Variants in IKZF4 observed in about 807,000 individuals in gnomAD.
IKZF4 encodes the protein IKAROS family zinc finger 4, also known as zinc finger protein Eos.
A neutral mutation model predicts 47.7 loss-of-function variants in IKZF4; 11 were observed. The observed-to-expected ratio is 0.23, with a 90% CI of 0.15 to 0.38. The LOEUF (loss-of-function observed/expected upper bound fraction) is 0.38. Among genes scored for constraint, IKZF4 ranks in the 10% least tolerant of loss-of-function variants. The pLI, the probability that IKZF4 is intolerant of heterozygous loss-of-function variation, is 1.00. For missense variants in IKZF4, 557 were observed against 784.9 expected (o/e 0.71, Z 3.47); for synonymous variants, 298 against 299.4 (o/e 1.00, Z 0.05).
intron 4 of IKZF4, among the ~76,000 whole-genome samples, chr12:56,027,543 G>A (rs1422950182): frequency 6.6e-6 from 1 of 152,066 alleles, no homozygotes; most frequent in Admixed American, 6.6e-5. Context: ...TTTTGGCCTC[G>A]TGTTCCAGGC....
At chr12:56,026,755 A>G in intron 3 of IKZF4, 26 bp from the exon 4 acceptor site, 1 of 1,505,696 alleles carries the variant, frequency 6.6e-7, no homozygotes, top group Non-Finnish European at 8.9e-7. Flanking sequence ...GCCTCTCTCT[A>G]TTCTAAACAC....
At chr12:56,024,061 T>C (rs969268084) in intron 2 of IKZF4, 2 of 473,496 alleles carry the variant, frequency 4.2e-6, no homozygotes, top group Non-Finnish European at 5.5e-6. Flanking sequence ...TGTAGAAGAT[T>C]GTGGGGAGGA....
At chr12:56,033,137 C>T in intron 6 of IKZF4, 53 bp from the exon 7 acceptor site, 1 of 1,598,274 alleles carries the variant, frequency 6.3e-7, no homozygotes. Flanking sequence ...GGCTGTGGGG[C>T]CAATGCTACC....
At chr12:56,018,809 C>CTG (rs1892469665), upstream of IKZF4, among the ~76,000 whole-genome samples, 1 of 151,940 alleles carries the variant, frequency 6.6e-6, no homozygotes, top group South Asian at 2.1e-4. Context: ...TGACTCAAGG[C>CTG]TGGGCATGGT....
chr12:56,022,830 C>T (rs540571392), intron 1 of IKZF4, among the ~76,000 whole-genome samples: 1 of 137,850 alleles, frequency 7.3e-6, no homozygotes, highest in South Asian at 2.3e-4. Context: ...GACGGAGTCT[C>T]GCTCTGTCGC....
intron 3 of IKZF4, among the ~76,000 whole-genome samples, 163 bp from the exon 4 acceptor site, chr12:56,026,618 G>A (rs979563984): frequency 2.6e-5 from 4 of 151,528 alleles, no homozygotes; most frequent in African/African-American, 9.7e-5. Context: ...GAATCTGGGA[G>A]GTGGAGGTTG....
At position 56,021,600 on chromosome 12, in the gene IKZF4, G is replaced by A. The variant is rs541943999; in HGVS notation, c.87+20G>A. 4.4e-6 allele frequency: 7 copies of A among 1,582,670 alleles called. No homozygotes were observed. Among genetic ancestry groups the A allele is most frequent in the East Asian group, 2.3e-5 (1 of 43,128 alleles). ...GATAATGTAAGTTCAGGCAGAAGGC[G>A]GCTAGTGGAGGGAGGAAGGGGGGTG... On this transcript the variant is annotated intron_variant, in intron 1 of 7. Coordinates refer to ENST00000547167, the MANE Select transcript of IKZF4 (RefSeq NM_022465.4).
chr12:56,027,065 G>A, intron 4 of IKZF4, 24 bp downstream of exon 4: 1 of 1,479,902 alleles, frequency 6.8e-7, no homozygotes, highest in South Asian at 1.4e-5. Context: ...AGGGGCTCTG[G>A]GAGGAGCTCC....
In IKZF4 at chr12:56,038,287, G is replaced by GT. The variant is rs1410331245; in HGVS notation, c.*2958dup. Reference sequence around the variant, plus strand: ...GAGTTTTTCTCCTTTCTCAAGGGGAGTTAAACTAGCTTTTGAGACTTATTG... The same window carrying GT: ...GAGTTTTTCTCCTTTCTCAAGGGGAGTTTAAACTAGCTTTTGAGACTTATTG... On this transcript the variant is annotated 3_prime_UTR_variant, in exon 8 of 8. Coordinates refer to ENST00000547167, the MANE Select transcript of IKZF4 (RefSeq NM_022465.4). 1.3e-5 allele frequency: 2 copies of GT among 152,214 alleles called. No homozygotes were observed. The highest frequency in any genetic ancestry group is 4.8e-5 in the African/African-American group (2 of 41,268). 9.4% of individuals were successfully genotyped at this position (152,214 alleles called of 1,614,324 possible).
rs1895772554 is a variant in IKZF4 at position 56,038,100 on chromosome 12, A to T, written c.*2769A>T. ...TATATATTTTTAATCAGAAGTTATG[A>T]AGAACAAAAAGAAAAAATAAACACA... On this transcript the variant is annotated 3_prime_UTR_variant, in exon 8 of 8. Transcript: ENST00000547167. The T allele has an allele frequency of 6.6e-6, 1 of 150,598 alleles. No individual in the cohort carries two copies. The highest frequency in any genetic ancestry group is 2.1e-4 in the South Asian group (1 of 4,796). 9.3% of individuals were successfully genotyped at this position (150,598 alleles called of 1,614,324 possible). A position where few individuals can be genotyped will look rare whatever the true frequency, so the allele number is the denominator to read the frequency against.
At chr12:56,013,506 T>A (rs1391446871) in intron 2 of IKZF4, among the ~76,000 whole-genome samples, 1 of 152,154 alleles carries the variant, frequency 6.6e-6, no homozygotes, top group African/African-American at 2.4e-5. Context: ...GACAGTTATG[T>A]TGCTTTAAAG....
intron 5 of IKZF4, among the ~76,000 whole-genome samples, chr12:56,028,532 CAAAAAAAAAAAAAAAAA>C (rs56380320): frequency 2.5e-4 from 13 of 52,948 alleles, no homozygotes; most frequent in Non-Finnish European, 4.4e-4. Context: ...CACTCAGTCT[CAAAAAAAAAAAAAAAAA>C]AAAAAAAAAA....
intron 3 of IKZF4, 109 bp from the exon 4 acceptor site, chr12:56,026,672 A>G: frequency 7.3e-6 from 9 of 1,230,226 alleles, no homozygotes; most frequent in Non-Finnish European, 9.7e-6. Flanking sequence ...CTGGGCAACA[A>G]GAGCGAAATT....
At chr12:56,018,412 A>G (rs549469095), upstream of IKZF4, among the ~76,000 whole-genome samples, 3 of 152,342 alleles carry the variant, frequency 2.0e-5, no homozygotes, top group Admixed American at 2.0e-4. Context: ...TAGGAGGGGA[A>G]TATGAGCAGA....
In IKZF4 at chr12:56,033,247, A is replaced by G. The variant is rs1330340232; in HGVS notation, c.923A>G (p.Glu308Gly). ...VPDSMLHSSSERPTFIDRLAN... is the reference protein window; with the variant it reads ...VPDSMLHSSSGRPTFIDRLAN... Reference sequence around the variant, plus strand: ...GACTCCATGCTGCACTCATCCTCTGAGCGGCCAACTTTCATCGATCGTCTG... The same window carrying G: ...GACTCCATGCTGCACTCATCCTCTGGGCGGCCAACTTTCATCGATCGTCTG... The change falls in exon 7 of 8, where the codon GAG becomes GGG. Residue 308 changes from glutamate to glycine, a missense_variant. Physicochemically the swap from Glu to Gly is moderately conservative, Grantham distance 98. Around this residue, in one of 6 missense-constraint regions of IKZF4, gnomAD observed 280 missense variants for 314.0 expected, o/e 0.89. Transcript: ENST00000547167. The G allele has an allele frequency of 1.9e-6, 3 of 1,614,014 alleles. No homozygotes were observed. Among genetic ancestry groups the G allele is most frequent in the African/African-American group, 2.7e-5 (2 of 75,054 alleles).
Position 56,035,665 on chromosome 12 carries a change from A to T in IKZF4, c.*334A>T. 1 of 199,692 alleles carries T rather than the reference A, an allele frequency of 5.0e-6. No individual in the cohort carries two copies. Among genetic ancestry groups the T allele is most frequent in the South Asian group, 1.2e-4 (1 of 8,158 alleles). 12.4% of individuals were successfully genotyped at this position (199,692 alleles called of 1,614,324 possible). A position where few individuals can be genotyped will look rare whatever the true frequency, so the allele number is the denominator to read the frequency against. On this transcript the variant is annotated 3_prime_UTR_variant, in exon 8 of 8. Coordinates refer to ENST00000547167, the MANE Select transcript of IKZF4 (RefSeq NM_022465.4). The surrounding 1 kb of genome is among the most constrained non-coding windows in gnomAD (Gnocchi z 6.1). ...CCACTCCCCCACCCTCCTGTCCACA[A>T]CTCCTTTCCACTTTAGGCCAATTTT...
chr12:56,016,240 C>T (rs1892040235), upstream of IKZF4, among the ~76,000 whole-genome samples: 1 of 151,808 alleles, frequency 6.6e-6, no homozygotes, highest in Admixed American at 6.6e-5. Context: ...CTACCTCTCT[C>T]AATATACCAT....
intron 6 of IKZF4, 24 bp downstream of exon 6, chr12:56,032,734 G>GGGAGT: frequency 6.2e-7 from 1 of 1,613,626 alleles, no homozygotes. Flanking sequence ...TGTACTACTG[G>GGGAGT]GGAGTTAAAA....
Position 56,035,051 on chromosome 12 carries a change from C to T in IKZF4, c.1478C>T (p.Ala493Val), listed in dbSNP as rs1328506864. Reference sequence around the variant, plus strand: ...ATTGTGGTGGGCCGGCACAGTCCTGCCTACGCCAAAGAGGACCCCAAGCCA... The same window carrying T: ...ATTGTGGTGGGCCGGCACAGTCCTGTCTACGCCAAAGAGGACCCCAAGCCA... ...PTIVVGRHSP[A>V]YAKEDPKPQE... Residue 493 changes from alanine to valine, a missense_variant, in exon 8 of 8, where the codon GCC (alanine) becomes GTC (valine). Transcript: ENST00000547167. The surrounding 1 kb of genome is among the most constrained non-coding windows in gnomAD (Gnocchi z 6.1). 5 of 1,578,234 alleles carry T rather than the reference C, an allele frequency of 3.2e-6. No individual in the cohort carries two copies. In the Admixed American group the frequency reaches 8.8e-5, roughly 28 times the overall value.
Sources: allele counts gnomAD v4.1 joint callset (sites outside exome capture counted in the v4.1 genomes callset), GRCh38; gene constraint gnomAD v4.1.1; regional missense constraint gnomAD v4.1.1; non-coding constraint Gnocchi (gnomAD v3.1); transcripts MANE v1.5; gene names NCBI Gene and HGNC (gene_info 2026-07-23, HGNC 2026-07-21).